The following AGPS variants were observed in gnomAD, a reference collection of about 807,000 sequenced individuals.
AGPS encodes the protein alkyldihydroxyacetonephosphate synthase, peroxisomal.
A neutral mutation model predicts 90.7 loss-of-function variants in AGPS; 26 were observed. The ratio of observed to expected loss-of-function variants is 0.29; its 90% CI spans 0.21 to 0.40. The LOEUF (loss-of-function observed/expected upper bound fraction) is 0.40, where lower values mean the gene tolerates loss of function less well. Ranked by LOEUF, AGPS falls within the 10% of genes least tolerant of loss-of-function variation. The pLI is 1.00. For missense variants in AGPS, 540 were observed against 816.1 expected (o/e 0.66, Z 4.12); for synonymous variants, 294 against 285.3 (o/e 1.03, Z -0.31).
Position 177,434,648 on chromosome 2 carries a change from A to G in AGPS, c.441+231A>G, listed in dbSNP as rs146283084. 3.0e-4 allele frequency among the ~76,000 whole-genome samples: 45 copies of G among 152,204 alleles called. No individual in the cohort carries two copies. In the East Asian group the frequency reaches 6.8e-3, roughly 23 times the overall value. Reference sequence around the variant, plus strand: ...TTGAGATTTATCTGGCAAACTTTTTATCCTCTCTGAGCCTTGGTTATTTTT... The same window carrying G: ...TTGAGATTTATCTGGCAAACTTTTTGTCCTCTCTGAGCCTTGGTTATTTTT... On this transcript the variant is annotated intron_variant, in intron 3 of 19. Coordinates refer to ENST00000264167, the MANE Select transcript of AGPS (RefSeq NM_003659.4).
intron 1 of AGPS, among the ~76,000 whole-genome samples, chr2:177,406,158 T>C (rs763777714): frequency 1.3e-5 from 2 of 152,218 alleles, no homozygotes; most frequent in Non-Finnish European, 2.9e-5. Flanking sequence ...TGCTTTTCTC[T>C]CATTGCCACC....
At chr2:177,452,355 G>A (rs1686976705) in intron 8 of AGPS, among the ~76,000 whole-genome samples, 1 of 152,070 alleles carries the variant, frequency 6.6e-6, no homozygotes, top group Non-Finnish European at 1.5e-5. Context: ...TTTAAAGCTC[G>A]GTTATTAGGA....
At chr2:177,417,785 A>G (rs751111786) in intron 1 of AGPS, among the ~76,000 whole-genome samples, 1 of 152,208 alleles carries the variant, frequency 6.6e-6, no homozygotes, top group Non-Finnish European at 1.5e-5. Flanking sequence ...TTAAAATGTT[A>G]TGCTGTAATA....
chr2:177,495,216 T>C (rs563303995), intron 12 of AGPS, among the ~76,000 whole-genome samples: 1 of 152,224 alleles, frequency 6.6e-6, no homozygotes, highest in Non-Finnish European at 1.5e-5. Flanking sequence ...CCTGCACTTA[T>C]CACGTAATAG....
chr2:177,533,078 A>G lies in AGPS; in HGVS notation c.1856-4996A>G, dbSNP rs1009561111. Among the ~76,000 whole-genome samples, 7 of 152,332 alleles carry G rather than the reference A, an allele frequency of 4.6e-5. No homozygotes were observed. The South Asian group carries it at 1.2e-3, about 27-fold the overall frequency. ...GTCTTATTCCTTTGATAGCTACCAG[A>G]TGAGTTTAGCCTTTCCAACACTGAA... On this transcript the variant is annotated intron_variant, in intron 19 of 19. Transcript: ENST00000264167.
intron 10 of AGPS, among the ~76,000 whole-genome samples, chr2:177,479,729 A>G (rs1049878771): frequency 6.6e-6 from 1 of 152,254 alleles, no homozygotes; most frequent in Non-Finnish European, 1.5e-5. Flanking sequence ...AAGTCTGTAT[A>G]GACAGAAAAT....
chr2:177,406,812 C>G (rs1235347642), intron 1 of AGPS, among the ~76,000 whole-genome samples: 1 of 152,194 alleles, frequency 6.6e-6, no homozygotes, highest in East Asian at 1.9e-4. Flanking sequence ...CTTGAATGTG[C>G]TTTATGCTTC....
chr2:177,471,298 C>T (rs1298259975), intron 10 of AGPS, among the ~76,000 whole-genome samples: 1 of 152,134 alleles, frequency 6.6e-6, no homozygotes, highest in Non-Finnish European at 1.5e-5. Context: ...TTGATGACAA[C>T]CTTGAAAGTA....
intron 16 of AGPS, among the ~76,000 whole-genome samples, chr2:177,509,495 T>C (rs1231082020): frequency 6.6e-6 from 1 of 151,898 alleles, no homozygotes; most frequent in Non-Finnish European, 1.5e-5. Context: ...TGAAACCTCG[T>C]CTCTACTGAA....
At chr2:177,420,244 C>T (rs766460755) in intron 1 of AGPS, 25 bp from the exon 2 acceptor site, 1 of 1,438,880 alleles carries the variant, frequency 6.9e-7, no homozygotes, top group Non-Finnish European at 9.8e-7. Context: ...ATTGGTCTCA[C>T]TTATATATAT....
At chr2:177,486,382 G>A (rs1688093096) in intron 11 of AGPS, among the ~76,000 whole-genome samples, 1 of 152,160 alleles carries the variant, frequency 6.6e-6, no homozygotes, top group Non-Finnish European at 1.5e-5. Context: ...CATATGTCAA[G>A]AGTGGTACAG....
chr2:177,468,574 G>T (rs1218407507), intron 10 of AGPS, 50 bp downstream of exon 10: 1 of 1,319,794 alleles, frequency 7.6e-7, no homozygotes, highest in Admixed American at 1.7e-5. Flanking sequence ...TAGTCATGCA[G>T]TTTTGTGAAA....
At chr2:177,500,654 CT>C (rs1184777246) in intron 14 of AGPS, among the ~76,000 whole-genome samples, 3 of 151,896 alleles carry the variant, frequency 2.0e-5, no homozygotes, top group Non-Finnish European at 2.9e-5. Context: ...TAATCTTAGA[CT>C]TAAATTTTAG....
intron 8 of AGPS, among the ~76,000 whole-genome samples, chr2:177,459,929 T>C (rs1203362458): frequency 6.6e-6 from 1 of 152,186 alleles, no homozygotes; most frequent in Admixed American, 6.5e-5. Context: ...TGTCCATCAA[T>C]GATAGACTGG....
chr2:177,506,651 C>T (rs79713010), intron 15 of AGPS, among the ~76,000 whole-genome samples: 12,233 of 151,902 alleles, frequency 0.081, 822 homozygotes, highest in East Asian at 0.34. Context: ...TAGTCCTCCT[C>T]TTTTGTCCCC....
At chr2:177,438,483 A>G (rs908890380) in intron 5 of AGPS, among the ~76,000 whole-genome samples, 1 of 152,254 alleles carries the variant, frequency 6.6e-6, no homozygotes, top group East Asian at 1.9e-4. Context: ...GTAGTAAACA[A>G]TATTTCACAA....
chr2:177,450,880 C>T (rs2105650405), intron 8 of AGPS, among the ~76,000 whole-genome samples: 1 of 147,712 alleles, frequency 6.8e-6, no homozygotes, highest in Non-Finnish European at 1.5e-5. Flanking sequence ...TGACCTGACC[C>T]ATGAACATGG....
At chr2:177,455,120 C>T (rs1388505617) in intron 8 of AGPS, among the ~76,000 whole-genome samples, 1 of 152,140 alleles carries the variant, frequency 6.6e-6, no homozygotes, top group East Asian at 1.9e-4. Flanking sequence ...TGCTGTAATC[C>T]ATCTGGAGTA....
chr2:177,479,632 C>A (rs952455045), intron 10 of AGPS, among the ~76,000 whole-genome samples: 1 of 152,044 alleles, frequency 6.6e-6, no homozygotes, highest in African/African-American at 2.4e-5. Context: ...CATGGATGAA[C>A]CTTGAAAACA....
Sources: allele counts gnomAD v4.1 joint callset (sites outside exome capture counted in the v4.1 genomes callset), GRCh38; gene constraint gnomAD v4.1.1; transcripts MANE v1.5; gene names NCBI Gene and HGNC (gene_info 2026-07-23, HGNC 2026-07-21).